Variants in GALNTL6 observed in about 807,000 individuals in gnomAD.
GALNTL6 encodes the protein polypeptide N-acetylgalactosaminyltransferase-like 6.
A neutral mutation model predicts 73.7 loss-of-function variants in GALNTL6; 46 were observed. That is an observed-to-expected ratio of 0.62 (90% confidence interval 0.49 to 0.80). The LOEUF (loss-of-function observed/expected upper bound fraction) is 0.80. GALNTL6 is among the 30% of genes least tolerant of loss of function. The pLI is 0.00. For missense variants in GALNTL6, 604 were observed against 755.0 expected (o/e 0.80, Z 2.34); for synonymous variants, 259 against 263.7 (o/e 0.98, Z 0.17).
chr4:172,852,573 G>A (rs943889167), intron 7 of GALNTL6, among the ~76,000 whole-genome samples: 2 of 152,142 alleles, frequency 1.3e-5, no homozygotes, highest in Non-Finnish European at 2.9e-5. Flanking sequence ...GCAGCATTGA[G>A]TTTACCTAGA....
intron 5 of GALNTL6, among the ~76,000 whole-genome samples, chr4:172,540,841 T>C (rs1735527020): frequency 6.6e-6 from 1 of 152,198 alleles, no homozygotes; most frequent in Non-Finnish European, 1.5e-5. Flanking sequence ...CCTTGTTATA[T>C]AGATGAAGCC....
Position 171,895,683 on chromosome 4 carries a change from C to T in GALNTL6, c.138+80965C>T, listed in dbSNP as rs531224023. ...ACATAAGAGAAGCATGAATAAAGAG[C>T]TTATTCTCAAAATTAAAAAGAAAGA... On this transcript the variant is annotated intron_variant, in intron 2 of 12. Coordinates refer to ENST00000506823, the MANE Select transcript of GALNTL6 (RefSeq NM_001034845.3). Among the ~76,000 whole-genome samples the T allele has an allele frequency of 2.6e-5, 4 of 152,068 alleles. No individual in the cohort carries two copies. The East Asian group carries it at 7.7e-4, about 29-fold the overall frequency.
intron 2 of GALNTL6, among the ~76,000 whole-genome samples, chr4:172,196,126 C>A (rs1467888249): frequency 2.0e-5 from 3 of 150,094 alleles, no homozygotes; most frequent in Admixed American, 6.7e-5. Flanking sequence ...TCACCACTGA[C>A]CCCACAGAAA....
intron 7 of GALNTL6, among the ~76,000 whole-genome samples, chr4:172,845,254 GA>G (rs1743436139): frequency 6.7e-6 from 1 of 149,792 alleles, no homozygotes; most frequent in Non-Finnish European, 1.5e-5. Context: ...AAAGAAAACA[GA>G]AAAAGATTCA....
chr4:173,034,344 C>T (rs1319319294), intron 12 of GALNTL6, among the ~76,000 whole-genome samples: 3 of 152,162 alleles, frequency 2.0e-5, no homozygotes, highest in East Asian at 1.9e-4. Context: ...ATGACCATTC[C>T]GAGATACTTT....
intron 2 of GALNTL6, among the ~76,000 whole-genome samples, chr4:171,944,491 G>A (rs1264959808): frequency 6.6e-6 from 1 of 151,944 alleles, no homozygotes; most frequent in East Asian, 1.9e-4. Context: ...TAAAATTAGG[G>A]TTTTGGATAC....
chr4:172,226,589 C>CTGTG (rs150604186), intron 2 of GALNTL6, among the ~76,000 whole-genome samples: 89 of 117,694 alleles, frequency 7.6e-4, no homozygotes, highest in Admixed American at 3.0e-3. Flanking sequence ...GTCTGTGTGT[C>CTGTG]TGTGTGTGTG....
chr4:172,040,524 C>A (rs1348938991), intron 2 of GALNTL6, among the ~76,000 whole-genome samples: 1 of 151,982 alleles, frequency 6.6e-6, no homozygotes. Flanking sequence ...GTGAGAAAAA[C>A]AATTTGCTTA....
chr4:172,392,540 T>C (rs975183330), intron 5 of GALNTL6, among the ~76,000 whole-genome samples: 4 of 151,868 alleles, frequency 2.6e-5, no homozygotes, highest in African/African-American at 9.7e-5. Flanking sequence ...CCCAAAGTAC[T>C]GGGATTGTAG....
intron 5 of GALNTL6, among the ~76,000 whole-genome samples, chr4:172,533,967 C>G (rs927147825): frequency 1.3e-5 from 2 of 152,038 alleles, no homozygotes; most frequent in Non-Finnish European, 2.9e-5. Context: ...AGAAACAGAT[C>G]CTGAGACAAG....
At chr4:172,127,422 C>G (rs988708075) in intron 2 of GALNTL6, among the ~76,000 whole-genome samples, 1 of 152,256 alleles carries the variant, frequency 6.6e-6, no homozygotes, top group African/African-American at 2.4e-5. Context: ...AGGCTGGGGA[C>G]TGGTGCATTC....
At chr4:172,009,228 C>T (rs1244559070) in intron 2 of GALNTL6, among the ~76,000 whole-genome samples, 1 of 151,834 alleles carries the variant, frequency 6.6e-6, no homozygotes, top group Non-Finnish European at 1.5e-5. Context: ...GGAAATTGTC[C>T]AACTTTGCCT....
intron 2 of GALNTL6, among the ~76,000 whole-genome samples, chr4:171,818,050 T>C (rs1188646568): frequency 1.3e-5 from 2 of 151,658 alleles, no homozygotes; most frequent in Non-Finnish European, 3.0e-5. Flanking sequence ...TAAAAGAATC[T>C]ACTGATAATA....
intron 5 of GALNTL6, among the ~76,000 whole-genome samples, chr4:172,517,964 T>G (rs1734660215): frequency 6.6e-6 from 1 of 152,106 alleles, no homozygotes; most frequent in Non-Finnish European, 1.5e-5. Flanking sequence ...AAAAGATGCA[T>G]AGTCATAGGT....
intron 2 of GALNTL6, among the ~76,000 whole-genome samples, chr4:172,063,582 T>G (rs1731270750): frequency 6.6e-6 from 1 of 152,188 alleles, no homozygotes; most frequent in Non-Finnish European, 1.5e-5. Flanking sequence ...CTCTTTCTGC[T>G]TTTTTATTAA....
intron 5 of GALNTL6, chr4:172,379,912 GA>G: frequency 1.8e-6 from 1 of 570,344 alleles, no homozygotes. Flanking sequence ...AAGGACTGAA[GA>G]AGTCTGGGCT....
intron 5 of GALNTL6, among the ~76,000 whole-genome samples, chr4:172,687,664 C>G (rs112988241): frequency 0.013 from 1,999 of 151,124 alleles, 43 homozygotes; most frequent in African/African-American, 0.046. Flanking sequence ...AGCTACTGAA[C>G]CTTTCCTTTC....
chr4:172,078,325 T>C (rs555710915), intron 2 of GALNTL6, among the ~76,000 whole-genome samples: 2 of 152,308 alleles, frequency 1.3e-5, no homozygotes, highest in Admixed American at 6.5e-5. Flanking sequence ...CCTGTCACCA[T>C]GTGTGGAAGG....
At chr4:172,738,188 T>C (rs1736581431) in intron 5 of GALNTL6, among the ~76,000 whole-genome samples, 4 of 152,224 alleles carry the variant, frequency 2.6e-5, no homozygotes, top group Admixed American at 2.6e-4. Context: ...AATTTTACTT[T>C]TTCCAGTGTA....
Sources: allele counts gnomAD v4.1 joint callset (sites outside exome capture counted in the v4.1 genomes callset), GRCh38; gene constraint gnomAD v4.1.1; transcripts MANE v1.5; gene names NCBI Gene and HGNC (gene_info 2026-07-23, HGNC 2026-07-21).